PDZRN4: variants seen among roughly 807,000 people sequenced by gnomAD.
PDZRN4 encodes the protein PDZ domain-containing RING finger protein 4.
In PDZRN4, 70 loss-of-function variants were observed where a neutral mutation model predicts 99.0. The ratio of observed to expected loss-of-function variants is 0.71; its 90% CI spans 0.58 to 0.86. PDZRN4 has a LOEUF of 0.86. Ranked by LOEUF, PDZRN4 falls within the 40% of genes least tolerant of loss-of-function variation. The pLI is 0.00. For missense variants in PDZRN4, 1,474 were observed against 1,331.2 expected, an observed-to-expected ratio of 1.11 and a Z score of -1.67; for synonymous variants, 551 against 501.6, an observed-to-expected ratio of 1.10 and a Z score of -1.32.
chr12:41,401,802 C>T (rs1488880450), intron 3 of PDZRN4, among the ~76,000 whole-genome samples: 6 of 151,818 alleles, frequency 4.0e-5, no homozygotes. Context: ...TAATCTGTCC[C>T]CAGTCTCCAT....
intron 3 of PDZRN4, among the ~76,000 whole-genome samples, chr12:41,312,177 T>C (rs1951611080): frequency 6.6e-6 from 1 of 152,114 alleles, no homozygotes; most frequent in Non-Finnish European, 1.5e-5. Flanking sequence ...TCATGATCAT[T>C]ATATTTCATT....
chr12:41,504,705 C>G (rs1355058305), intron 3 of PDZRN4, among the ~76,000 whole-genome samples: 2 of 152,110 alleles, frequency 1.3e-5, no homozygotes, highest in African/African-American at 4.8e-5. Flanking sequence ...ATAGGTGTCT[C>G]ATGTCCACAT....
chr12:41,442,071 A>C (rs1367748562), intron 3 of PDZRN4, among the ~76,000 whole-genome samples: 1 of 152,128 alleles, frequency 6.6e-6, no homozygotes, highest in Non-Finnish European at 1.5e-5. Context: ...ATTACTATAA[A>C]ATGAAGAAAA....
intron 2 of PDZRN4, among the ~76,000 whole-genome samples, chr12:41,192,940 TA>T (rs1238032413): frequency 2.6e-5 from 4 of 152,226 alleles, no homozygotes; most frequent in Non-Finnish European, 4.4e-5. Flanking sequence ...GGTTAAGTTT[TA>T]AAAAATGATG....
chr12:41,557,148 C>CAAAAA (rs112787721), intron 7 of PDZRN4, among the ~76,000 whole-genome samples: 172 of 57,888 alleles, frequency 3.0e-3, no homozygotes, highest in Non-Finnish European at 5.2e-3. Context: ...GAGACACTCT[C>CAAAAA]AAAAAAAAAA....
At chr12:41,272,052 A>G (rs1951317327) in intron 3 of PDZRN4, among the ~76,000 whole-genome samples, 1 of 88,064 alleles carries the variant, frequency 1.1e-5, no homozygotes, top group Admixed American at 1.3e-4. Flanking sequence ...TCTCTACCAA[A>G]TAGAGTATTT....
intron 3 of PDZRN4, among the ~76,000 whole-genome samples, chr12:41,392,303 A>G (rs952823583): frequency 6.6e-6 from 1 of 152,162 alleles, no homozygotes; most frequent in Non-Finnish European, 1.5e-5. Flanking sequence ...CTCAGTGTAC[A>G]TACAAACACA....
At chr12:41,490,359 A>G (rs943204033) in intron 3 of PDZRN4, among the ~76,000 whole-genome samples, 1 of 152,168 alleles carries the variant, frequency 6.6e-6, no homozygotes, top group Admixed American at 6.6e-5. Context: ...CTTTTTGTGT[A>G]TAGTATTCTG....
chr12:41,552,513 T>TAAA, intron 5 of PDZRN4, 143 bp from the exon 6 acceptor site: 5 of 402,680 alleles, frequency 1.2e-5, no homozygotes, highest in East Asian at 8.7e-5. Context: ...ATAATATTGG[T>TAAA]AAAAAAAAAA....
intron 3 of PDZRN4, among the ~76,000 whole-genome samples, chr12:41,398,205 T>C (rs978470961): frequency 6.6e-6 from 1 of 152,182 alleles, no homozygotes. Context: ...TCTTATTTCA[T>C]TTCCCCCAGA....
chr12:41,392,960 G>A (rs889914239), intron 3 of PDZRN4, among the ~76,000 whole-genome samples: 5 of 152,160 alleles, frequency 3.3e-5, no homozygotes, highest in African/African-American at 1.2e-4. Context: ...ATTCAAATGT[G>A]TTATTCATTC....
chr12:41,462,530 A>G lies in PDZRN4; in HGVS notation c.844-43926A>G, dbSNP rs577895703. On this transcript the variant is annotated intron_variant, in intron 3 of 9. Transcript: ENST00000402685. Reference sequence around the variant, plus strand: ...TTGCTCACCAGTTAGTCATTCCTTCAGAAGAGTTCCTAGACTATGTTTAAG... The same window carrying G: ...TTGCTCACCAGTTAGTCATTCCTTCGGAAGAGTTCCTAGACTATGTTTAAG... Among the ~76,000 whole-genome samples, 264 of 152,312 alleles carry G rather than the reference A, an allele frequency of 1.7e-3. 2 individuals carry two copies. Among genetic ancestry groups the G allele is most frequent in the African/African-American group, 6.1e-3 (252 of 41,574 alleles).
At chr12:41,319,152 T>C (rs901982984) in intron 3 of PDZRN4, among the ~76,000 whole-genome samples, 1 of 152,184 alleles carries the variant, frequency 6.6e-6, no homozygotes, top group Non-Finnish European at 1.5e-5. Flanking sequence ...CTGACACTTA[T>C]TTCAACAACA....
chr12:41,317,062 A>ATATATATATATATATATATATG (rs1317029215), intron 3 of PDZRN4, among the ~76,000 whole-genome samples: 3 of 140,738 alleles, frequency 2.1e-5, no homozygotes, highest in Non-Finnish European at 4.7e-5. Flanking sequence ...ATATATATAT[A>ATATATATATATATATATATATG]TATATATATA....
At chr12:41,211,662 G>A (rs1048771109) in intron 3 of PDZRN4, among the ~76,000 whole-genome samples, 2 of 151,874 alleles carry the variant, frequency 1.3e-5, no homozygotes, top group Admixed American at 1.3e-4. Context: ...ACACTCTGCC[G>A]ATTTGATAAT....
chr12:41,521,947 T>G (rs1938499457), intron 5 of PDZRN4, among the ~76,000 whole-genome samples: 1 of 152,076 alleles, frequency 6.6e-6, no homozygotes, highest in Non-Finnish European at 1.5e-5. Flanking sequence ...TAAATAGCCG[T>G]TGGAAGGGTA....
chr12:41,487,959 AG>A, intron 3 of PDZRN4, among the ~76,000 whole-genome samples: 1 of 152,244 alleles, frequency 6.6e-6, no homozygotes, highest in South Asian at 2.1e-4. Context: ...AAATCTAGAA[AG>A]AAATGCATTA....
rs77135966 is a variant in PDZRN4 at position 41,353,786 on chromosome 12, C to A, written c.844-152670C>A. Among the ~76,000 whole-genome samples, 1,091 of 152,194 alleles carry A rather than the reference C, an allele frequency of 7.2e-3. 13 individuals are homozygous for A. The highest frequency in any genetic ancestry group is 0.025 in the African/African-American group (1,034 of 41,536). On this transcript the variant is annotated intron_variant, in intron 3 of 9. Transcript: ENST00000402685. Reference sequence around the variant, plus strand: ...GTAAGCAACCCAGTAATTCTTCCAACAATTGCCTTTTCTACTTTAACCAGT... The same window carrying A: ...GTAAGCAACCCAGTAATTCTTCCAAAAATTGCCTTTTCTACTTTAACCAGT...
intron 3 of PDZRN4, among the ~76,000 whole-genome samples, chr12:41,474,132 A>C (rs571928180): frequency 2.6e-5 from 4 of 152,188 alleles, no homozygotes; most frequent in Admixed American, 6.5e-5. Flanking sequence ...AGAAAGATTA[A>C]TTAGTTTCTG....
Sources: gnomAD v4.1 joint callset for allele counts (sites outside exome capture counted in the v4.1 genomes callset) on GRCh38, gnomAD v4.1.1 for gene constraint, MANE v1.5 for transcripts, NCBI Gene and HGNC (gene_info 2026-07-23, HGNC 2026-07-21) for gene names.